The following LRRC7 variants were observed in gnomAD, a reference collection of about 807,000 sequenced individuals.
LRRC7 encodes leucine-rich repeat-containing protein 7.
In LRRC7, 23 loss-of-function variants were observed where a neutral mutation model predicts 175.7. The observed-to-expected ratio is 0.13, with a 90% confidence interval of 0.09 to 0.19. The LOEUF (loss-of-function observed/expected upper bound fraction) is 0.19. LRRC7 is among the 10% of genes least tolerant of loss of function. LRRC7 has a pLI of 1.00. For missense variants in LRRC7, 1,354 were observed against 1,904.7 expected, an observed-to-expected ratio of 0.71 and a Z score of 5.38; for synonymous variants, 685 against 680.9, an observed-to-expected ratio of 1.01 and a Z score of -0.09.
intron 2 of LRRC7, among the ~76,000 whole-genome samples, chr1:69,693,130 A>G (rs1394363579): frequency 1.3e-5 from 2 of 152,218 alleles, no homozygotes. Context: ...ACAGCAGATT[A>G]TGGAACTACT....
At chr1:70,050,506 T>C (rs1253517527) in intron 22 of LRRC7, among the ~76,000 whole-genome samples, 1 of 152,066 alleles carries the variant, frequency 6.6e-6, no homozygotes, top group Non-Finnish European at 1.5e-5. Flanking sequence ...TATATTTAGT[T>C]ATATATGATG....
At position 70,013,066 on chromosome 1, in the gene LRRC7, A is replaced by G; in HGVS notation, c.1227A>G (p.Arg409=). 2 of 1,583,550 alleles carry G rather than the reference A, an allele frequency of 1.3e-6. No individual in the cohort carries two copies. The highest frequency in any genetic ancestry group is 8.6e-7 in the Non-Finnish European group (1 of 1,162,658). ...PEEIGQMQKL[R]VLNLSDNRLK... ...AGATTGGACAGATGCAGAAACTAAG[A>G]GTCCTAAATTTGAGTGACAACAGGT... Residue 409 remains arginine, a synonymous_variant, in exon 13 of 27, where the codon AGA becomes AGG. Transcript: ENST00000651989.
chr1:69,693,172 G>A (rs569710753), intron 2 of LRRC7, among the ~76,000 whole-genome samples: 1 of 152,184 alleles, frequency 6.6e-6, no homozygotes, highest in South Asian at 2.1e-4. Context: ...CCAATTCCTT[G>A]CAATAAATCT....
At position 70,072,656 on chromosome 1, in the gene LRRC7, A is replaced by G. The variant is rs549315393; in HGVS notation, c.4231-3421A>G. The stretch of plus-strand genomic sequence containing the variant: ...TTTACAGCATGTTCTTTTCATGCCC[A>G]TTGTTTGTTTTGCCAAGCCATCTAA... On this transcript the variant is annotated intron_variant, in intron 23 of 26. Coordinates refer to ENST00000651989, the MANE Select transcript of LRRC7 (RefSeq NM_001370785.2). 2.6e-5 allele frequency among the ~76,000 whole-genome samples: 4 copies of G among 152,124 alleles called. No individual in the cohort carries two copies. The East Asian group carries it at 7.7e-4, about 29-fold the overall frequency.
chr1:69,875,066 T>G (rs1044745336), intron 7 of LRRC7: 1 of 152,118 alleles, frequency 6.6e-6, no homozygotes, highest in Non-Finnish European at 1.5e-5. Context: ...TTATGAATTC[T>G]CAGTGCCCTT....
chr1:69,837,727 G>C (rs1570247870), intron 6 of LRRC7, among the ~76,000 whole-genome samples: 2 of 151,616 alleles, frequency 1.3e-5, no homozygotes, highest in Non-Finnish European at 3.0e-5. Context: ...ATGAAATTTA[G>C]AAGGCTGGAA....
intron 2 of LRRC7, among the ~76,000 whole-genome samples, chr1:69,709,829 CTATG>C (rs1235899583): frequency 1.3e-5 from 2 of 151,874 alleles, no homozygotes; most frequent in Non-Finnish European, 2.9e-5. Context: ...ATTTATGCAA[CTATG>C]TGTGTGGATA....
intron 1 of LRRC7, among the ~76,000 whole-genome samples, chr1:69,658,103 A>T (rs1174445448): frequency 6.6e-6 from 1 of 151,942 alleles, no homozygotes; most frequent in Non-Finnish European, 1.5e-5. Context: ...ATACAAAAAA[A>T]CTAGGGTTAA....
At chr1:69,775,097 A>G (rs1345726125) in intron 3 of LRRC7, among the ~76,000 whole-genome samples, 1 of 152,200 alleles carries the variant, frequency 6.6e-6, no homozygotes, top group Non-Finnish European at 1.5e-5. Flanking sequence ...AGCTGATCAA[A>G]TTTGACAATA....
chr1:69,943,866 TA>T (rs948486577), intron 8 of LRRC7, among the ~76,000 whole-genome samples: 4 of 151,098 alleles, frequency 2.6e-5, no homozygotes, highest in African/African-American at 9.7e-5. Context: ...CTAAGCAACT[TA>T]AAAAATGAAA....
At chr1:69,907,321 G>A (rs564862390) in intron 7 of LRRC7, among the ~76,000 whole-genome samples, 1 of 152,140 alleles carries the variant, frequency 6.6e-6, no homozygotes, top group Non-Finnish European at 1.5e-5. Flanking sequence ...GTGAGAGAGG[G>A]CATACCTGTC....
At chr1:69,784,242 G>T (rs1055724713) in intron 3 of LRRC7, among the ~76,000 whole-genome samples, 3 of 151,990 alleles carry the variant, frequency 2.0e-5, no homozygotes, top group Non-Finnish European at 4.4e-5. Context: ...AAACAGAAGC[G>T]AGGGAATTAG....
intron 10 of LRRC7, among the ~76,000 whole-genome samples, chr1:69,989,689 C>T (rs963472693): frequency 6.6e-6 from 1 of 151,684 alleles, no homozygotes; most frequent in Non-Finnish European, 1.5e-5. Flanking sequence ...TCCAGAAATA[C>T]AGAACAGAAT....
chr1:69,771,541 T>C (rs1672241901), intron 3 of LRRC7, among the ~76,000 whole-genome samples: 1 of 152,164 alleles, frequency 6.6e-6, no homozygotes, highest in African/African-American at 2.4e-5. Context: ...ATCATTAAAA[T>C]CTGATTCAAC....
intron 3 of LRRC7, among the ~76,000 whole-genome samples, chr1:69,782,327 A>G (rs1239055077): frequency 6.6e-6 from 1 of 152,214 alleles, no homozygotes; most frequent in African/African-American, 2.4e-5. Context: ...CTACACTACA[A>G]TCTTGTAATC....
intron 10 of LRRC7, among the ~76,000 whole-genome samples, chr1:69,988,480 T>C (rs907376069): frequency 1.3e-5 from 2 of 152,164 alleles, no homozygotes; most frequent in East Asian, 3.9e-4. Context: ...GAACCTGTGA[T>C]AGAATGGAAA....
chr1:69,573,633 C>CAT (rs1420199797), intron 1 of LRRC7, among the ~76,000 whole-genome samples: 3 of 152,016 alleles, frequency 2.0e-5, no homozygotes, highest in Non-Finnish European at 4.4e-5. Flanking sequence ...GGGGAGGCAT[C>CAT]ATATATGCTA....
chr1:69,815,440 G>T (rs940539856), intron 4 of LRRC7, among the ~76,000 whole-genome samples: 4 of 151,126 alleles, frequency 2.6e-5, no homozygotes, highest in Non-Finnish European at 4.4e-5. Flanking sequence ...TCTTTTTTTT[G>T]GAATACCCTT....
chr1:69,919,485 TG>T, intron 7 of LRRC7: 1 of 954,126 alleles, frequency 1.0e-6, no homozygotes, highest in Non-Finnish European at 1.6e-6. Flanking sequence ...ACAGCAGCAG[TG>T]GCGGCAAAAT....
Sources: gnomAD v4.1 joint callset for allele counts (sites outside exome capture counted in the v4.1 genomes callset) on GRCh38, gnomAD v4.1.1 for gene constraint, MANE v1.5 for transcripts, NCBI Gene and HGNC (gene_info 2026-07-23, HGNC 2026-07-21) for gene names.